Variants in TRAF3 observed in about 807,000 individuals in gnomAD.
TRAF3 encodes the protein TNF receptor associated factor 3, also known as TNF receptor-associated factor 3.
A neutral mutation model predicts 62.3 loss-of-function variants in TRAF3; 13 were observed. That is an observed-to-expected ratio of 0.21 (90% CI 0.14 to 0.33). TRAF3 has a LOEUF of 0.33. Among genes scored for constraint, TRAF3 ranks in the 10% least tolerant of loss-of-function variants. The probability of loss-of-function intolerance (pLI) is 1.00; values close to 1 mark genes in which losing one functional copy is unlikely to be tolerated. For synonymous variants in TRAF3, 269 were observed against 283.4 expected, an observed-to-expected ratio of 0.95 and a Z score of 0.51; for missense variants, 440 against 741.8, an observed-to-expected ratio of 0.59 and a Z score of 4.73.
At chr14:102,880,640 T>C (rs756810563) in intron 6 of TRAF3, among the ~76,000 whole-genome samples, 44 of 152,318 alleles carry the variant, frequency 2.9e-4, no homozygotes, top group Middle Eastern at 3.4e-3. Flanking sequence ...ATCATTCTAT[T>C]ATAAGGATAC....
At chr14:102,901,857 G>A (rs1890320243) in intron 10 of TRAF3, among the ~76,000 whole-genome samples, 1 of 152,212 alleles carries the variant, frequency 6.6e-6, no homozygotes, top group South Asian at 2.1e-4. Context: ...TGAATTCAGG[G>A]GGCCCTGGGG....
chr14:102,873,584 A>C (rs1229793474), intron 4 of TRAF3, among the ~76,000 whole-genome samples: 2 of 152,196 alleles, frequency 1.3e-5, no homozygotes, highest in African/African-American at 2.4e-5. Flanking sequence ...GTGGACCCTC[A>C]TGGAGAGAAT....
intron 2 of TRAF3, among the ~76,000 whole-genome samples, chr14:102,858,299 G>T (rs558038632): frequency 1.3e-5 from 2 of 152,076 alleles, no homozygotes; most frequent in South Asian, 2.1e-4. Context: ...TTACAGGTAC[G>T]CACCACCACG....
chr14:102,799,125 G>A (rs1026725356), intron 1 of TRAF3, among the ~76,000 whole-genome samples: 2 of 152,124 alleles, frequency 1.3e-5, no homozygotes, highest in African/African-American at 4.8e-5. Flanking sequence ...GAGAAGCAGT[G>A]GCTGATTTGG....
chr14:102,882,907 A>G (rs942000581), intron 6 of TRAF3, among the ~76,000 whole-genome samples: 38 of 152,296 alleles, frequency 2.5e-4, no homozygotes, highest in African/African-American at 7.7e-4. Context: ...AACCTTTTAG[A>G]TTTAATCTAG....
chr14:102,820,587 TATATATATATATATATATATATA>T (rs1899849064), intron 1 of TRAF3, among the ~76,000 whole-genome samples: 2 of 6,336 alleles, frequency 3.2e-4, no homozygotes, highest in African/African-American at 6.8e-4. Context: ...TATATATATA[TATATATATATATATATATATATA>T]TATATTTTTT....
At chr14:102,884,766 T>G (rs1008331284) in intron 6 of TRAF3, among the ~76,000 whole-genome samples, 1 of 151,316 alleles carries the variant, frequency 6.6e-6, no homozygotes, top group East Asian at 1.9e-4. Flanking sequence ...GAGCCAAGAT[T>G]GCACCACTGC....
chr14:102,875,471 C>G (rs1412194109), intron 4 of TRAF3, among the ~76,000 whole-genome samples, 153 bp from the exon 5 acceptor site: 1 of 150,172 alleles, frequency 6.7e-6, no homozygotes, highest in African/African-American at 2.4e-5. Flanking sequence ...CATTCTACTT[C>G]TAGAAATCAA....
At chr14:102,796,306 A>G (rs1392943536) in intron 1 of TRAF3, among the ~76,000 whole-genome samples, 2 of 152,246 alleles carry the variant, frequency 1.3e-5, no homozygotes, top group Non-Finnish European at 2.9e-5. Flanking sequence ...GAGGGAGGGC[A>G]TGGAGGCTCC....
chr14:102,853,791 T>C (rs1887193280), intron 2 of TRAF3, among the ~76,000 whole-genome samples: 1 of 151,274 alleles, frequency 6.6e-6, no homozygotes, highest in African/African-American at 2.4e-5. Flanking sequence ...TGAGCCGAGA[T>C]TGCGGCACTG....
At chr14:102,808,844 C>G (rs1396909235) in intron 1 of TRAF3, among the ~76,000 whole-genome samples, 1 of 150,864 alleles carries the variant, frequency 6.6e-6, no homozygotes, top group Non-Finnish European at 1.5e-5. Context: ...TTAAGACAGT[C>G]TTACGCTGTT....
chr14:102,817,741 C>A (rs1595321333), intron 1 of TRAF3, among the ~76,000 whole-genome samples: 1 of 152,308 alleles, frequency 6.6e-6, no homozygotes, highest in Middle Eastern at 3.4e-3. Flanking sequence ...CTTCAAAGTG[C>A]TTATCCTCAG....
At chr14:102,900,457 C>T (rs28622048) in intron 10 of TRAF3, among the ~76,000 whole-genome samples, 3,536 of 152,258 alleles carry the variant, frequency 0.023, 133 homozygotes, top group African/African-American at 0.081. Flanking sequence ...GCAAAGATTG[C>T]GCCATTGCAC....
At chr14:102,853,258 C>T (rs1287437689) in intron 2 of TRAF3, among the ~76,000 whole-genome samples, 1 of 151,654 alleles carries the variant, frequency 6.6e-6, no homozygotes, top group Non-Finnish European at 1.5e-5. Context: ...TGATCTCAAA[C>T]TCCTGGTACT....
chr14:102,821,815 A>G (rs1156608902), intron 1 of TRAF3, among the ~76,000 whole-genome samples: 3 of 152,194 alleles, frequency 2.0e-5, no homozygotes, highest in Non-Finnish European at 2.9e-5. Context: ...AGCCCGAGGC[A>G]GGCAGATCAT....
At chr14:102,876,582 C>T (rs1157937869) in intron 6 of TRAF3, 57 bp downstream of exon 6, 3 of 1,592,842 alleles carry the variant, frequency 1.9e-6, no homozygotes, top group Non-Finnish European at 8.6e-7. Flanking sequence ...ATACATTCCA[C>T]AGGCCTTCCG....
At chr14:102,816,172 A>T (rs1301670123) in intron 1 of TRAF3, among the ~76,000 whole-genome samples, 1 of 151,824 alleles carries the variant, frequency 6.6e-6, no homozygotes, top group South Asian at 2.1e-4. Context: ...ATGCCATCTC[A>T]GTTCTCTTCA....
rs74537272 is a variant in TRAF3, at chr14:102,795,596, A to G, written c.-157+17921A>G. Among the ~76,000 whole-genome samples, 592 of 129,242 alleles carry G rather than the reference A, an allele frequency of 4.6e-3. 10 individuals are homozygous for G. Among genetic ancestry groups the G allele is most frequent in the East Asian group, 0.021 (90 of 4,258 alleles). The allele number at this position is 129,242 out of a possible 152,430, so 84.8% of individuals were successfully genotyped here. A position where few individuals can be genotyped will look rare whatever the true frequency, so the allele number is the denominator to read the frequency against. ...CATGATATGTATGCATGATATGTAT[A>G]TATGTGTGTGTGTGTGTGTGTGTGC... is the stretch of plus-strand genomic sequence containing the variant. On this transcript the variant is annotated intron_variant, in intron 1 of 11. Transcript: ENST00000392745.
intron 1 of TRAF3, among the ~76,000 whole-genome samples, chr14:102,785,519 G>A (rs1373633361): frequency 6.6e-6 from 1 of 152,186 alleles, no homozygotes; most frequent in Non-Finnish European, 1.5e-5. Flanking sequence ...GCTTGTTAGT[G>A]ATGAACAAGT....
Sources: gnomAD v4.1 joint callset for allele counts (sites outside exome capture counted in the v4.1 genomes callset) on GRCh38, gnomAD v4.1.1 for gene constraint, MANE v1.5 for transcripts, NCBI Gene and HGNC (gene_info 2026-07-23, HGNC 2026-07-21) for gene names.